CPED1: variants seen among roughly 807,000 people sequenced by gnomAD.
CPED1 encodes cadherin like and PC-esterase domain containing 1.
CPED1 carries 114 observed loss-of-function variants against 128.2 expected under a neutral mutation model. The ratio of observed to expected loss-of-function variants is 0.89; its 90% CI spans 0.76 to 1.04. CPED1 has a LOEUF of 1.04. Among genes scored for constraint, CPED1 ranks in the 50% least tolerant of loss-of-function variants. The probability of loss-of-function intolerance (pLI) is 0.00; values close to 1 mark genes in which losing one functional copy is unlikely to be tolerated. For synonymous variants in CPED1, 462 were observed against 426.7 expected (o/e 1.08, Z -1.02); for missense variants, 1,211 against 1,207.1 (o/e 1.00, Z -0.05).
chr7:121,248,208 G>A (rs1171293938), intron 18 of CPED1, among the ~76,000 whole-genome samples: 1 of 136,644 alleles, frequency 7.3e-6, no homozygotes, highest in Non-Finnish European at 1.7e-5. Context: ...AGCACTAAGA[G>A]GGATGACATG....
intron 15 of CPED1, 119 bp from the exon 16 acceptor site, chr7:121,141,854 C>T (rs953938739): frequency 1.1e-5 from 8 of 701,932 alleles, no homozygotes; most frequent in South Asian, 5.0e-5. Flanking sequence ...TGAAATTGTA[C>T]AGACCTTTCC....
chr7:121,102,745 A>G (rs1206740169), intron 7 of CPED1, among the ~76,000 whole-genome samples: 1 of 152,090 alleles, frequency 6.6e-6, no homozygotes, highest in Non-Finnish European at 1.5e-5. Flanking sequence ...GAGAGTTAGG[A>G]GGAAAACGAA....
chr7:121,122,388 G>T (rs953059222), intron 7 of CPED1, among the ~76,000 whole-genome samples: 2 of 152,106 alleles, frequency 1.3e-5, no homozygotes, highest in African/African-American at 4.8e-5. Flanking sequence ...TGATCCACCC[G>T]CCTTGGCCTC....
At chr7:121,260,223 G>GTTTTTTTTTTTTTTTTTTTTTT (rs59370305) in intron 18 of CPED1, among the ~76,000 whole-genome samples, 5 of 69,980 alleles carry the variant, frequency 7.1e-5, no homozygotes, top group Admixed American at 2.1e-4. Flanking sequence ...CTTGCTTCGC[G>GTTTTTTTTTTTTTTTTTTTTTT]TTTTTTTTTT....
rs560200991 is a variant in CPED1 at position 121,084,955 on chromosome 7, A to G, written c.617-12744A>G. On this transcript the variant is annotated intron_variant, in intron 5 of 22. Coordinates refer to ENST00000310396, the MANE Select transcript of CPED1 (RefSeq NM_024913.5). ...AGGCACAAATCTATTTGTGGCCTTTATCCATTAAATTTCAGTAGCATTGCT... is the reference window on the plus strand; with the variant it reads ...AGGCACAAATCTATTTGTGGCCTTTGTCCATTAAATTTCAGTAGCATTGCT... 4.6e-5 allele frequency among the ~76,000 whole-genome samples: 7 copies of G among 152,338 alleles called. No homozygotes were observed. In the South Asian group the frequency reaches 1.4e-3, roughly 32 times the overall value.
chr7:121,275,179 T>C (rs1054259531), intron 22 of CPED1, among the ~76,000 whole-genome samples: 1 of 152,124 alleles, frequency 6.6e-6, no homozygotes, highest in African/African-American at 2.4e-5. Context: ...CATAACAAAC[T>C]TGCTTCAGTG....
intron 4 of CPED1, chr7:121,062,755 A>C (rs576022828): frequency 6.6e-6 from 1 of 152,228 alleles, no homozygotes; most frequent in South Asian, 2.1e-4. Context: ...GGAGGAACAC[A>C]ATGGGAGATA....
chr7:121,039,899 C>G (rs1793004966), intron 3 of CPED1, among the ~76,000 whole-genome samples: 1 of 152,018 alleles, frequency 6.6e-6, no homozygotes, highest in Non-Finnish European at 1.5e-5. Context: ...AGGATAATGT[C>G]ACTTTCTTGA....
intron 18 of CPED1, among the ~76,000 whole-genome samples, chr7:121,256,124 C>CAAAAAAAAAAAAAAAAAAA (rs1333114209): frequency 4.4e-5 from 2 of 45,334 alleles, no homozygotes; most frequent in African/African-American, 5.4e-5. Flanking sequence ...AAAAAAAAAA[C>CAAAAAAAAAAAAAAAAAAA]AAAACAAAAA....
intron 3 of CPED1, among the ~76,000 whole-genome samples, chr7:121,029,154 C>T (rs983569219): frequency 6.6e-6 from 1 of 152,038 alleles, no homozygotes; most frequent in Non-Finnish European, 1.5e-5. Context: ...GTAAATAATG[C>T]AATCATAACA....
intron 16 of CPED1, among the ~76,000 whole-genome samples, chr7:121,233,187 C>T (rs1461606706): frequency 6.6e-6 from 1 of 152,012 alleles, no homozygotes; most frequent in Non-Finnish European, 1.5e-5. Context: ...CAAGAAAATT[C>T]CTACTAAATA....
chr7:121,140,006 C>T (rs1284255950), intron 14 of CPED1, among the ~76,000 whole-genome samples: 1 of 151,994 alleles, frequency 6.6e-6, no homozygotes, highest in East Asian at 1.9e-4. Flanking sequence ...TTGAAAAACA[C>T]TTTGTTAAGC....
intron 16 of CPED1, among the ~76,000 whole-genome samples, chr7:121,232,653 C>T (rs770189881): frequency 5.3e-5 from 8 of 152,090 alleles, no homozygotes; most frequent in Non-Finnish European, 1.0e-4. Flanking sequence ...CCTGCCTTCC[C>T]AGAGGGATTT....
intron 18 of CPED1, among the ~76,000 whole-genome samples, chr7:121,247,561 C>T (rs1045473103): frequency 2.0e-5 from 3 of 152,034 alleles, no homozygotes; most frequent in African/African-American, 7.2e-5. Flanking sequence ...TCCAGGGTAC[C>T]CAAACACTGG....
chr7:121,288,557 G>A (rs1190288624), intron 22 of CPED1, among the ~76,000 whole-genome samples: 2 of 152,150 alleles, frequency 1.3e-5, no homozygotes, highest in Non-Finnish European at 2.9e-5. Flanking sequence ...GAAGCCGTAC[G>A]CTTCAGCAGT....
intron 16 of CPED1, among the ~76,000 whole-genome samples, chr7:121,212,991 A>G (rs548323555): frequency 6.6e-6 from 1 of 152,040 alleles, no homozygotes; most frequent in Non-Finnish European, 1.5e-5. Context: ...GAGGGGATGC[A>G]TTTGGCCTGA....
chr7:121,161,293 T>C (rs1168883930), intron 16 of CPED1, among the ~76,000 whole-genome samples: 1 of 152,126 alleles, frequency 6.6e-6, no homozygotes, highest in African/African-American at 2.4e-5. Context: ...CAGAATTCCC[T>C]TACCTGCAAC....
intron 5 of CPED1, among the ~76,000 whole-genome samples, chr7:121,068,548 T>C (rs1252971793): frequency 6.6e-6 from 1 of 151,678 alleles, no homozygotes; most frequent in Non-Finnish European, 1.5e-5. Context: ...TAAGGTAGTG[T>C]GATGCCTCCA....
At chr7:121,020,462 A>C (rs1411007848) in intron 3 of CPED1, among the ~76,000 whole-genome samples, 1 of 151,972 alleles carries the variant, frequency 6.6e-6, no homozygotes, top group Non-Finnish European at 1.5e-5. Context: ...TAAAGCCTAA[A>C]ATTTTTATTA....
Sources: allele counts gnomAD v4.1 joint callset (sites outside exome capture counted in the v4.1 genomes callset), GRCh38; gene constraint gnomAD v4.1.1; transcripts MANE v1.5; gene names NCBI Gene and HGNC (gene_info 2026-07-23, HGNC 2026-07-21).